DENND2B: variants seen among roughly 807,000 people sequenced by gnomAD.
DENND2B encodes DENN domain-containing protein 2B.
Under a neutral mutation model 116.0 loss-of-function variants are expected in DENND2B, and 32 were observed. That is an observed-to-expected ratio of 0.28 (90% CI 0.21 to 0.37). The LOEUF (loss-of-function observed/expected upper bound fraction) is 0.37, where lower values mean the gene tolerates loss of function less well. Among genes scored for constraint, DENND2B ranks in the 10% least tolerant of loss-of-function variants. The probability of loss-of-function intolerance (pLI) is 1.00; values close to 1 mark genes in which losing one functional copy is unlikely to be tolerated. For missense variants in DENND2B, 1,276 were observed against 1,477.7 expected (o/e 0.86, Z 2.24); for synonymous variants, 588 against 583.9 (o/e 1.01, Z -0.10).
rs147215227 is a variant in DENND2B, at chr11:8,719,087, G to A, written c.1478-1195C>T. On this transcript the variant is annotated intron_variant, in intron 4 of 19. Coordinates refer to ENST00000313726, the MANE Select transcript of DENND2B (RefSeq NM_213618.2). ...TCCCACACTTGTTCTACAGATGTCT[G>A]AATGTGCCTTACGCCCCAGAGGAAC... 4,688 of 985,526 alleles carry A rather than the reference G, an allele frequency of 4.8e-3. 15 individuals are homozygous for A. The highest frequency in any genetic ancestry group is 5.4e-3 in the Non-Finnish European group (4,448 of 830,034). The allele number at this position is 985,526 out of a possible 1,614,324, so 61.0% of individuals were successfully genotyped here. A position where few individuals can be genotyped will look rare whatever the true frequency, so the allele number is the denominator to read the frequency against.
At chr11:8,731,239 A>G (rs1166283939) in intron 2 of DENND2B, 30 bp from the exon 3 acceptor site, 8 of 1,455,864 alleles carry the variant, frequency 5.5e-6, no homozygotes, top group Non-Finnish European at 7.3e-6. Flanking sequence ...AAGGAAAAGA[A>G]AAGAAAATGG....
At chr11:8,746,866 G>C (rs1487265467) in intron 2 of DENND2B, among the ~76,000 whole-genome samples, 4 of 152,074 alleles carry the variant, frequency 2.6e-5, no homozygotes, top group African/African-American at 9.7e-5. Context: ...AAGAGAGGCA[G>C]GCTTGAGTAC....
intron 4 of DENND2B, 106 bp downstream of exon 4, chr11:8,725,967 A>C: frequency 6.5e-7 from 1 of 1,542,670 alleles, no homozygotes; most frequent in Non-Finnish European, 8.9e-7. Flanking sequence ...AGAAGGTGGG[A>C]CCATGCCTGC....
chr11:8,819,144 C>T (rs2061677082), intron 4 of DENND2B, among the ~76,000 whole-genome samples: 1 of 152,080 alleles, frequency 6.6e-6, no homozygotes, highest in African/African-American at 2.4e-5. Context: ...CCTGTAATTC[C>T]AACAATCTGA....
At chr11:8,761,171 T>C (rs1272426197) in intron 1 of DENND2B, among the ~76,000 whole-genome samples, 1 of 152,144 alleles carries the variant, frequency 6.6e-6, no homozygotes, top group African/African-American at 2.4e-5. Context: ...TGAATTGGAG[T>C]GAGGTCTTGT....
chr11:8,769,135 T>C (rs773267613), intron 1 of DENND2B, among the ~76,000 whole-genome samples: 2 of 152,050 alleles, frequency 1.3e-5, no homozygotes, highest in Non-Finnish European at 2.9e-5. Context: ...CAGCAATGCC[T>C]GCCAAGCCCA....
At chr11:8,811,026 G>A, upstream of DENND2B, 1 of 350,368 alleles carries the variant, frequency 2.9e-6, no homozygotes, top group Middle Eastern at 7.3e-4. Flanking sequence ...CCCCTCCAGT[G>A]TCTCATTTTT....
At chr11:8,794,171 A>G (rs1448457182) in intron 1 of DENND2B, among the ~76,000 whole-genome samples, 2 of 152,240 alleles carry the variant, frequency 1.3e-5, no homozygotes, top group Admixed American at 1.3e-4. Flanking sequence ...TTAGCCAGAT[A>G]GACGGTTTGA....
rs891789298 is a variant in DENND2B at position 8,798,020 on chromosome 11, T to A, written c.-26+12497A>T. 7.2e-5 allele frequency among the ~76,000 whole-genome samples: 11 copies of A among 152,296 alleles called. No homozygotes were observed. In the East Asian group the frequency reaches 1.9e-3, roughly 27 times the overall value. ...CTTCTTCTCATCCTTGAGCTCACAG[T>A]TCAAACGTCATTCTCAGAGGCCTTC... On this transcript the variant is annotated intron_variant, in intron 1 of 19. Coordinates refer to ENST00000313726, the MANE Select transcript of DENND2B (RefSeq NM_213618.2).
At chr11:8,860,499 G>A (rs2063353809) in intron 2 of DENND2B, among the ~76,000 whole-genome samples, 1 of 151,768 alleles carries the variant, frequency 6.6e-6, no homozygotes, top group Admixed American at 6.6e-5. Context: ...AGGTGAAAGA[G>A]CACTACAAGG....
chr11:8,744,596 A>G (rs2050890565), intron 2 of DENND2B, among the ~76,000 whole-genome samples: 1 of 152,214 alleles, frequency 6.6e-6, no homozygotes, highest in Admixed American at 6.5e-5. Context: ...AAAAGAAAAG[A>G]TGAGTCAGAG....
At chr11:8,842,228 T>G (rs2062649687) in intron 3 of DENND2B, among the ~76,000 whole-genome samples, 1 of 152,154 alleles carries the variant, frequency 6.6e-6, no homozygotes, top group Non-Finnish European at 1.5e-5. Context: ...GAGACTTTTT[T>G]AAAAACAGGG....
chr11:8,737,011 C>T (rs1478555779), intron 2 of DENND2B, among the ~76,000 whole-genome samples: 3 of 152,138 alleles, frequency 2.0e-5, no homozygotes, highest in African/African-American at 7.2e-5. Context: ...TGACTCGGAT[C>T]AGAAGGGTAC....
chr11:8,875,140 G>A (rs996129350), upstream of DENND2B, among the ~76,000 whole-genome samples: 5 of 151,946 alleles, frequency 3.3e-5, no homozygotes, highest in African/African-American at 7.2e-5. Context: ...TGGCTAAGAC[G>A]GTGAAACCTC....
chr11:8,729,012 G>A (rs1047980078), intron 3 of DENND2B, among the ~76,000 whole-genome samples: 12 of 152,218 alleles, frequency 7.9e-5, no homozygotes, highest in Non-Finnish European at 1.6e-4. Flanking sequence ...GTTCCGGCTC[G>A]GGGGTCTGAA....
chr11:8,767,238 A>G (rs576973341), intron 1 of DENND2B, among the ~76,000 whole-genome samples: 13 of 152,352 alleles, frequency 8.5e-5, no homozygotes, highest in African/African-American at 3.1e-4. Flanking sequence ...ACTCAGAAGC[A>G]TGTCACAGGA....
intron 1 of DENND2B, among the ~76,000 whole-genome samples, chr11:8,805,943 G>T (rs2060799049): frequency 6.6e-6 from 1 of 152,168 alleles, no homozygotes; most frequent in Non-Finnish European, 1.5e-5. Flanking sequence ...ACAAACAGAG[G>T]TGTTAACCCT....
intron 1 of DENND2B, among the ~76,000 whole-genome samples, chr11:8,799,561 C>CTTTTTT (rs67190732): frequency 8.8e-6 from 1 of 114,056 alleles, no homozygotes; most frequent in African/African-American, 3.2e-5. Context: ...TCCTTTTTCT[C>CTTTTTT]TTTTTTTTTT....
chr11:8,722,303 A>G (rs1471369705), intron 4 of DENND2B, among the ~76,000 whole-genome samples: 4 of 152,126 alleles, frequency 2.6e-5, no homozygotes, highest in African/African-American at 9.7e-5. Flanking sequence ...CCCTCCACCT[A>G]TGACAGACAG....
Sources: allele counts gnomAD v4.1 joint callset (sites outside exome capture counted in the v4.1 genomes callset), GRCh38; gene constraint gnomAD v4.1.1; transcripts MANE v1.5; gene names NCBI Gene and HGNC (gene_info 2026-07-23, HGNC 2026-07-21).